Variants in SOX5 observed in about 807,000 individuals in gnomAD.
SOX5 encodes transcription factor SOX-5.
SOX5 carries 9 observed loss-of-function variants against 92.0 expected under a neutral mutation model. That is an observed-to-expected ratio of 0.10 (90% confidence interval 0.06 to 0.17). The LOEUF (loss-of-function observed/expected upper bound fraction) is 0.17. Ranked by LOEUF, SOX5 falls within the 10% of genes least tolerant of loss-of-function variation. The pLI is 1.00. For synonymous variants in SOX5, 344 were observed against 336.3 expected (o/e 1.02, Z -0.25); for missense variants, 642 against 944.5 (o/e 0.68, Z 4.20).
intron 2 of SOX5, among the ~76,000 whole-genome samples, chr12:24,342,679 G>A (rs1246502038): frequency 6.6e-6 from 1 of 151,874 alleles, no homozygotes; most frequent in Non-Finnish European, 1.5e-5. Flanking sequence ...TTCTTGTTTG[G>A]GCCACTTCAA....
intron 9 of SOX5, among the ~76,000 whole-genome samples, chr12:23,593,956 T>C (rs1324066909): frequency 6.6e-6 from 1 of 152,140 alleles, no homozygotes; most frequent in Non-Finnish European, 1.5e-5. Flanking sequence ...ATGTGACTTG[T>C]TTATCTACTT....
intron 3 of SOX5, among the ~76,000 whole-genome samples, chr12:24,225,658 AAATT>A (rs572442365): frequency 8.5e-5 from 13 of 152,212 alleles, no homozygotes; most frequent in Non-Finnish European, 1.2e-4. Flanking sequence ...TTGTAAATAA[AAATT>A]AAAGCAGAAA....
At chr12:24,478,102 A>G (rs1423751406) in intron 1 of SOX5, among the ~76,000 whole-genome samples, 1 of 152,228 alleles carries the variant, frequency 6.6e-6, no homozygotes, top group Non-Finnish European at 1.5e-5. Context: ...AGAACTGTCT[A>G]CTTGTGACAT....
At chr12:23,764,294 T>A (rs1024789630) in intron 3 of SOX5, among the ~76,000 whole-genome samples, 1 of 152,116 alleles carries the variant, frequency 6.6e-6, no homozygotes, top group Non-Finnish European at 1.5e-5. Context: ...TTATTTTCCA[T>A]ATATTCCATT....
intron 4 of SOX5, among the ~76,000 whole-genome samples, chr12:24,044,234 C>G (rs1956794459): frequency 6.6e-6 from 1 of 152,082 alleles, no homozygotes; most frequent in Admixed American, 6.6e-5. Flanking sequence ...TGTATGACAA[C>G]ACAAAGATGA....
At chr12:23,692,909 C>T (rs1372117251) in intron 6 of SOX5, among the ~76,000 whole-genome samples, 6 of 152,094 alleles carry the variant, frequency 3.9e-5, no homozygotes, top group South Asian at 2.1e-4. Flanking sequence ...TTTAGCATTA[C>T]GTAGAAGCCC....
At chr12:23,927,482 G>A (rs888923921) in intron 1 of SOX5, among the ~76,000 whole-genome samples, 2 of 151,620 alleles carry the variant, frequency 1.3e-5, no homozygotes, top group African/African-American at 4.8e-5. Flanking sequence ...ATATAGGCAG[G>A]GCTACAGGAT....
chr12:24,505,850 T>TGTGC (rs1948672809), intron 1 of SOX5, among the ~76,000 whole-genome samples: 4 of 142,272 alleles, frequency 2.8e-5, no homozygotes, highest in Admixed American at 2.2e-4. Flanking sequence ...TGTGTGTGTG[T>TGTGC]GTGCGTGTGT....
At chr12:23,727,586 T>A (rs7980059) in intron 6 of SOX5, among the ~76,000 whole-genome samples, 114,382 of 152,052 alleles carry the variant, frequency 0.75, 43,082 homozygotes, top group East Asian at 0.79. Context: ...AAAGGGGTTG[T>A]AAGTAAAATG....
At chr12:23,757,674 C>G (rs570728116) in intron 3 of SOX5, among the ~76,000 whole-genome samples, 2 of 152,012 alleles carry the variant, frequency 1.3e-5, no homozygotes, top group African/African-American at 4.8e-5. Flanking sequence ...AGCTAACAAA[C>G]CTTTGCAAAG....
intron 1 of SOX5, among the ~76,000 whole-genome samples, chr12:24,528,993 T>A (rs373617707): frequency 6.6e-6 from 1 of 152,222 alleles, no homozygotes; most frequent in East Asian, 1.9e-4. Flanking sequence ...ATCTCATTTA[T>A]CCCTTTGAGC....
intron 2 of SOX5, among the ~76,000 whole-genome samples, chr12:24,330,909 T>A (rs1229594201): frequency 6.6e-6 from 1 of 152,176 alleles, no homozygotes; most frequent in African/African-American, 2.4e-5. Context: ...TTTCACCAAG[T>A]TTCTGGAAGA....
At chr12:23,803,031 C>T (rs2095692328) in intron 3 of SOX5, among the ~76,000 whole-genome samples, 1 of 152,144 alleles carries the variant, frequency 6.6e-6, no homozygotes, top group South Asian at 2.1e-4. Context: ...TCCTTTTTCA[C>T]TAGGTATTCT....
At chr12:23,954,148 T>C (rs900570314), upstream of SOX5, among the ~76,000 whole-genome samples, 1 of 152,054 alleles carries the variant, frequency 6.6e-6, no homozygotes, top group Non-Finnish European at 1.5e-5. Context: ...AATCATTAAG[T>C]ATCTTCTATT....
chr12:24,561,476 A>C (rs1025204981), intron 1 of SOX5, among the ~76,000 whole-genome samples: 4 of 152,232 alleles, frequency 2.6e-5, no homozygotes, highest in African/African-American at 9.6e-5. Flanking sequence ...TCTCCAACGC[A>C]AACATTTCCA....
chr12:24,065,507 C>T lies in SOX5; in HGVS notation c.-2+147836G>A, dbSNP rs190407106. Among the ~76,000 whole-genome samples, 16 of 151,770 alleles carry T rather than the reference C, an allele frequency of 1.1e-4. 1 individual carries two copies. The highest frequency in any genetic ancestry group is 3.9e-4 in the East Asian group (2 of 5,140). ...ACTAAAAATACGAAAATTAGCCAGG[C>T]GTGGTGGTGCACACCTGTAGTCCCA... is the stretch of plus-strand genomic sequence containing the variant. On this transcript the variant is annotated intron_variant, in intron 4 of 4. Coordinates refer to the SOX5 transcript ENST00000446891.
intron 7 of SOX5, among the ~76,000 whole-genome samples, chr12:23,644,097 T>C (rs1475168192): frequency 1.3e-5 from 2 of 152,188 alleles, no homozygotes; most frequent in Non-Finnish European, 2.9e-5. Context: ...GTAATGCTAT[T>C]TTACATTTGA....
intron 4 of SOX5, among the ~76,000 whole-genome samples, chr12:24,154,081 G>A (rs1951923980): frequency 6.6e-6 from 1 of 152,036 alleles, no homozygotes; most frequent in Non-Finnish European, 1.5e-5. Flanking sequence ...TTTCCTCTCT[G>A]CAAACAGCTT....
chr12:24,136,051 T>A (rs947969245), intron 4 of SOX5, among the ~76,000 whole-genome samples: 1 of 152,184 alleles, frequency 6.6e-6, no homozygotes, highest in Non-Finnish European at 1.5e-5. Context: ...AAGTCTATTT[T>A]AAATAGTCCC....
Sources: allele counts gnomAD v4.1 joint callset (sites outside exome capture counted in the v4.1 genomes callset), GRCh38; gene constraint gnomAD v4.1.1; transcripts MANE v1.5; gene names NCBI Gene and HGNC (gene_info 2026-07-23, HGNC 2026-07-21).